Variants in ZNF638 observed in about 807,000 individuals in gnomAD.
ZNF638 encodes zinc finger protein 638.
Under a neutral mutation model 195.6 loss-of-function variants are expected in ZNF638, and 46 were observed. The ratio of observed to expected loss-of-function variants is 0.24; its 90% CI spans 0.19 to 0.30. The LOEUF is 0.30. Ranked by LOEUF, ZNF638 falls within the 10% of genes least tolerant of loss-of-function variation. The probability of loss-of-function intolerance (pLI) is 1.00; values close to 1 mark genes in which losing one functional copy is unlikely to be tolerated. For missense variants in ZNF638, 2,440 were observed against 2,325.3 expected (o/e 1.05, Z -1.01); for synonymous variants, 845 against 772.0 (o/e 1.09, Z -1.57).
At chr2:71,388,503 C>G in intron 10 of ZNF638, 1 of 703,676 alleles carries the variant, frequency 1.4e-6, no homozygotes, top group Non-Finnish European at 2.6e-6. Context: ...TAAATACAAG[C>G]AGCTCCAGCT....
intron 3 of ZNF638, among the ~76,000 whole-genome samples, chr2:71,360,565 G>GT (rs1433823185): frequency 6.6e-6 from 1 of 150,888 alleles, no homozygotes; most frequent in Non-Finnish European, 1.5e-5. Flanking sequence ...TGTTTCGTTT[G>GT]TTTTTTGTTT....
Position 71,426,820 on chromosome 2 carries a change from C to T in ZNF638, c.4951C>T (p.Gln1651Ter). The T allele has an allele frequency of 6.2e-7, 1 of 1,613,170 alleles. No individual in the cohort carries two copies. Among genetic ancestry groups the T allele is most frequent in the Non-Finnish European group, 8.5e-7 (1 of 1,179,488 alleles). ...TTTTACATTAGATGAATTAATTGACCAAGATGATTGCATTTCCCACAGTGA... is the reference window on the plus strand; with the variant it reads ...TTTTACATTAGATGAATTAATTGACTAAGATGATTGCATTTCCCACAGTGA... ...SLFTLDELID[Q>*]DDCISHSEPK... The change falls in exon 24 of 28, where the codon CAA (glutamine) becomes TAA (stop). Residue 1651 changes from glutamine to a stop codon, truncating the protein, a stop_gained. Transcript: ENST00000264447. LOFTEE classifies it high-confidence loss of function.
At chr2:71,368,613 T>C in intron 7 of ZNF638, 85 bp downstream of exon 7, 1 of 1,357,554 alleles carries the variant, frequency 7.4e-7, no homozygotes, top group Admixed American at 2.1e-5. Context: ...CCTTAGCTGC[T>C]TGTACTGCAT....
At chr2:71,392,559 C>T (rs954175948) in intron 10 of ZNF638, among the ~76,000 whole-genome samples, 2 of 152,156 alleles carry the variant, frequency 1.3e-5, no homozygotes, top group African/African-American at 4.8e-5. Flanking sequence ...ATTGCTGGGT[C>T]AACATACACA....
chr2:71,408,024 T>C, intron 19 of ZNF638, 98 bp from the exon 20 acceptor site: 1 of 1,110,034 alleles, frequency 9.0e-7, no homozygotes, highest in South Asian at 1.6e-5. Flanking sequence ...TTCATTCCTT[T>C]TAGGTGTATA....
intron 8 of ZNF638, chr2:71,379,702 C>G (rs1208840969): frequency 6.6e-6 from 1 of 152,004 alleles, no homozygotes; most frequent in Admixed American, 6.6e-5. Context: ...TTTGACAGAC[C>G]GTATTCACGT....
chr2:71,403,936 T>C lies in ZNF638; in HGVS notation c.2896T>C (p.Leu966=). 1.9e-6 allele frequency: 3 copies of C among 1,612,296 alleles called. No homozygotes were observed. Among genetic ancestry groups the C allele is most frequent in the Non-Finnish European group, 2.5e-6 (3 of 1,178,602 alleles). Residue 966 remains leucine (L), a synonymous_variant, in exon 17 of 28, where the codon TTG becomes CTG. Coordinates refer to ENST00000264447, the MANE Select transcript of ZNF638 (RefSeq NM_014497.5). ...AAAATTTTATACCTGCTTCCCAGTA[T>C]TGATGGATGGAAATCAACTCTCAAT... ...MVKFYTCFPV[L]MDGNQLSISM...
intron 1 of ZNF638, among the ~76,000 whole-genome samples, chr2:71,339,649 T>A (rs1040663575): frequency 8.5e-5 from 13 of 152,254 alleles, no homozygotes; most frequent in Admixed American, 6.5e-4. Context: ...CTTACCTCTG[T>A]TCCAGTGGCT....
At chr2:71,338,007 G>C (rs1019511466) in intron 1 of ZNF638, among the ~76,000 whole-genome samples, 1 of 151,886 alleles carries the variant, frequency 6.6e-6, no homozygotes, top group African/African-American at 2.4e-5. Flanking sequence ...TATGTCCCTG[G>C]GCAGAAAAAT....
chr2:71,352,172 T>C lies in ZNF638; in HGVS notation c.1317+1901T>C, dbSNP rs72622633. Reference sequence around the variant, plus strand: ...GGGTCTTGAATTGAGGCTTTAGATATGCCTGTATAAAGAGGAGGAGGGGGC... The same window carrying C: ...GGGTCTTGAATTGAGGCTTTAGATACGCCTGTATAAAGAGGAGGAGGGGGC... On this transcript the variant is annotated intron_variant, in intron 2 of 27. Transcript: ENST00000264447. Among the ~76,000 whole-genome samples, 497 of 152,074 alleles carry C rather than the reference T, an allele frequency of 3.3e-3. 23 individuals carry two copies. In the East Asian group the frequency reaches 0.089, roughly 27 times the overall value.
chr2:71,396,289 T>G (rs1247800835), intron 11 of ZNF638, 98 bp downstream of exon 11: 1 of 963,666 alleles, frequency 1.0e-6, no homozygotes, highest in East Asian at 2.5e-5. Context: ...CATGACATAG[T>G]CTGTATTGAA....
intron 2 of ZNF638, 80 bp from the exon 3 acceptor site, chr2:71,355,639 A>G: frequency 1.0e-6 from 1 of 983,050 alleles, no homozygotes; most frequent in Non-Finnish European, 1.5e-6. Flanking sequence ...ACAAAATATT[A>G]TTTGTCTTTT....
intron 10 of ZNF638, among the ~76,000 whole-genome samples, chr2:71,386,838 T>C (rs983006554): frequency 4.6e-5 from 7 of 152,150 alleles, no homozygotes; most frequent in Non-Finnish European, 8.8e-5. Flanking sequence ...GCTTCACTGT[T>C]ATAAGATGCC....
chr2:71,353,105 A>G (rs1237605021), intron 2 of ZNF638, among the ~76,000 whole-genome samples: 4 of 152,230 alleles, frequency 2.6e-5, no homozygotes, highest in Admixed American at 6.5e-5. Flanking sequence ...TGTATATATG[A>G]CATAAATATG....
intron 2 of ZNF638, among the ~76,000 whole-genome samples, chr2:71,350,686 A>G (rs549859355): frequency 6.6e-6 from 1 of 152,384 alleles, no homozygotes. Flanking sequence ...AGTATATTAT[A>G]GCCTTGCACA....
At chr2:71,425,677 T>C (rs2080525117) in intron 23 of ZNF638, among the ~76,000 whole-genome samples, 1 of 152,120 alleles carries the variant, frequency 6.6e-6, no homozygotes, top group Admixed American at 6.5e-5. Context: ...TTTATTATTA[T>C]TATTATTTTG....
chr2:71,348,809 T>C lies in ZNF638; in HGVS notation c.-146T>C, dbSNP rs1477073239. ...CTTGTGAATTCCTTGAACCTGGGCA[T>C]TGCAAACCCACTTCTGTTGGGCCCA... On this transcript the variant is annotated 5_prime_UTR_variant, in exon 2 of 28. Transcript: ENST00000264447. 6.3e-7 allele frequency: 1 copy of C among 1,584,926 alleles called. No homozygotes were observed. Among genetic ancestry groups the C allele is most frequent in the Non-Finnish European group, 8.6e-7 (1 of 1,169,240 alleles).
At chr2:71,434,470 C>A (rs1241325760) in intron 27 of ZNF638, among the ~76,000 whole-genome samples, 1 of 152,094 alleles carries the variant, frequency 6.6e-6, no homozygotes, top group Non-Finnish European at 1.5e-5. Flanking sequence ...TTTATTGTTT[C>A]TCTTCTCCCA....
At chr2:71,354,470 C>A (rs1368130666) in intron 2 of ZNF638, among the ~76,000 whole-genome samples, 3 of 151,824 alleles carry the variant, frequency 2.0e-5, no homozygotes, top group Non-Finnish European at 2.9e-5. Flanking sequence ...CATGGTGGCT[C>A]ACGCCTGTAA....
Sources: gnomAD v4.1 joint callset for allele counts (sites outside exome capture counted in the v4.1 genomes callset) on GRCh38, gnomAD v4.1.1 for gene constraint, MANE v1.5 for transcripts, NCBI Gene and HGNC (gene_info 2026-07-23, HGNC 2026-07-21) for gene names.